Variants in CEP95 observed in about 807,000 individuals in gnomAD.
The protein encoded by CEP95 is centrosomal protein 95.
A neutral mutation model predicts 111.2 loss-of-function variants in CEP95; 98 were observed. That is an observed-to-expected ratio of 0.88 (90% CI 0.75 to 1.04). CEP95 has a LOEUF of 1.04. Among genes scored for constraint, CEP95 ranks in the 50% least tolerant of loss-of-function variants. CEP95 has a pLI of 0.00. For synonymous variants in CEP95, 323 were observed against 327.1 expected (o/e 0.99, Z 0.14); for missense variants, 1,027 against 977.2 (o/e 1.05, Z -0.68).
chr17:64,507,539 T>C, intron 1 of CEP95: 1 of 1,087,488 alleles, frequency 9.2e-7, no homozygotes, highest in Non-Finnish European at 1.1e-6. Context: ...CCCTGCAGAA[T>C]AGTAGAATAT....
At position 64,537,037 on chromosome 17, in the gene CEP95, A is replaced by G; in HGVS notation, c.2218-4A>G. The stretch of plus-strand genomic sequence containing the variant: ...ATATTTGTTTTTTTTCTTCCTATAA[A>G]CAGTTTTCATTGCTGGCAGAAGCCA... On this transcript the variant is annotated splice_region_variant and splice_polypyrimidine_tract_variant and intron_variant, in intron 18 of 19. Transcript: ENST00000556440. 1.9e-6 allele frequency: 3 copies of G among 1,609,404 alleles called. No homozygotes were observed. Among genetic ancestry groups the G allele is most frequent in the Non-Finnish European group, 2.5e-6 (3 of 1,177,470 alleles).
At chr17:64,527,046 C>G (rs1038818762) in intron 10 of CEP95, 65 bp from the exon 11 acceptor site, 1 of 1,373,148 alleles carries the variant, frequency 7.3e-7, no homozygotes, top group East Asian at 2.3e-5. Context: ...AAAGGTCTGC[C>G]TACTCCTACG....
chr17:64,517,270 C>G (rs1966935512), intron 5 of CEP95, among the ~76,000 whole-genome samples: 1 of 152,128 alleles, frequency 6.6e-6, no homozygotes, highest in South Asian at 2.1e-4. Context: ...TGGCCTCGAA[C>G]TCCTGATCTC....
At position 64,527,136 on chromosome 17, in the gene CEP95, G is replaced by T. The variant is rs1967879603; in HGVS notation, c.1178G>T (p.Arg393Leu). The change falls in exon 11 of 20, where the codon CGG becomes CTG. Residue 393 changes from arginine to leucine, a missense_variant. Transcript: ENST00000556440. ...DWMLKSALGDRIKEKTDHKEE... is the reference protein window; with the variant it reads ...DWMLKSALGDLIKEKTDHKEE... Reference sequence around the variant, plus strand: ...ATGTTAAAAAGTGCTCTGGGTGATCGGATTAAAGAAAAGACTGACCATAAA... The same window carrying T: ...ATGTTAAAAAGTGCTCTGGGTGATCTGATTAAAGAAAAGACTGACCATAAA... 1.9e-6 allele frequency: 3 copies of T among 1,612,790 alleles called. No homozygotes were observed. The East Asian group carries it at 6.7e-5, about 36-fold the overall frequency.
intron 16 of CEP95, 28 bp from the exon 17 acceptor site, chr17:64,534,557 T>C: frequency 6.2e-7 from 1 of 1,604,428 alleles, no homozygotes; most frequent in Non-Finnish European, 8.5e-7. Flanking sequence ...TCCTTACCCT[T>C]CTCTTCCCTC....
At chr17:64,519,708 T>A (rs1967162497) in intron 6 of CEP95, among the ~76,000 whole-genome samples, 1 of 152,208 alleles carries the variant, frequency 6.6e-6, no homozygotes, top group Non-Finnish European at 1.5e-5. Context: ...GGATGCAGCT[T>A]ATAGTCTGGT....
chr17:64,535,051 T>G, intron 17 of CEP95: 1 of 357,712 alleles, frequency 2.8e-6, no homozygotes, highest in Non-Finnish European at 5.4e-6. Context: ...AAATTTAGTG[T>G]GATAACATGA....
At chr17:64,513,712 G>T (rs1240054456) in intron 3 of CEP95, among the ~76,000 whole-genome samples, 2 of 152,082 alleles carry the variant, frequency 1.3e-5, no homozygotes, top group Non-Finnish European at 2.9e-5. Flanking sequence ...AATATGGGGG[G>T]TTATGGTGGA....
chr17:64,514,409 CT>C, intron 4 of CEP95, 51 bp downstream of exon 4: 1 of 785,412 alleles, frequency 1.3e-6, no homozygotes, highest in Non-Finnish European at 2.2e-6. Context: ...TGATGTGTCC[CT>C]TTTGCCTTTT....
chr17:64,506,971 C>T (rs1427026310), upstream of CEP95: 3 of 1,033,378 alleles, frequency 2.9e-6, no homozygotes, highest in South Asian at 1.4e-5. Context: ...CCTTCTTTCA[C>T]GCCTCCTTCC....
intron 3 of CEP95, among the ~76,000 whole-genome samples, chr17:64,511,480 A>G (rs1464703364): frequency 1.3e-5 from 2 of 152,238 alleles, no homozygotes; most frequent in Non-Finnish European, 2.9e-5. Flanking sequence ...AAGAAAAGAA[A>G]TATGGCTCTG....
intron 11 of CEP95, among the ~76,000 whole-genome samples, chr17:64,527,688 G>T (rs1465953349): frequency 2.0e-5 from 3 of 151,800 alleles, no homozygotes; most frequent in African/African-American, 7.3e-5. Context: ...TTCTGACATT[G>T]TCTTAGAAAT....
chr17:64,524,953 A>C (rs1967678262), intron 8 of CEP95, among the ~76,000 whole-genome samples: 1 of 151,928 alleles, frequency 6.6e-6, no homozygotes, highest in Non-Finnish European at 1.5e-5. Flanking sequence ...CCTGGGTGAC[A>C]GTAAGACCCC....
chr17:64,534,696 T>G lies in CEP95; in HGVS notation c.2029T>G (p.Leu677Val). ...RKYYDDYRVQ[L>V]CAKMMRMRTR... ...ATATTATGATGATTATAGAGTTCAG[T>G]TGTGTGCAAAAATGATGAGAATGAG... The change falls in exon 17 of 20, where the codon TTG (leucine) becomes GTG (valine). Residue 677 changes from leucine to valine, a missense_variant. By Grantham distance (32) the Leu-to-Val change is conservative (BLOSUM62 1). Transcript: ENST00000556440. The G allele has an allele frequency of 1.9e-6, 3 of 1,613,168 alleles. No homozygotes were observed. The highest frequency in any genetic ancestry group is 2.5e-6 in the Non-Finnish European group (3 of 1,179,502).
At position 64,526,987 on chromosome 17, in the gene CEP95, A is replaced by G; in HGVS notation, c.1153-124A>G. The G allele has an allele frequency of 1.3e-5, 9 of 679,562 alleles. No homozygotes were observed. The South Asian group carries it at 1.7e-4, about 13-fold the overall frequency. The allele number at this position is 679,562 out of a possible 1,614,324, so 42.1% of individuals were successfully genotyped here. On this transcript the variant is annotated intron_variant, in intron 10 of 19. Coordinates refer to ENST00000556440, the MANE Select transcript of CEP95 (RefSeq NM_138363.3). ...AATAAAAGTAAATAATTAAACATGC[A>G]TAAGCGTCTGAAAACTTGTTATTAG...
In CEP95 at chr17:64,525,807, C is replaced by G; in HGVS notation, c.947C>G (p.Pro316Arg). The change falls in exon 9 of 20, where the codon CCT (proline) becomes CGT (arginine). Residue 316 changes from proline to arginine, a missense_variant. Coordinates refer to ENST00000556440, the MANE Select transcript of CEP95 (RefSeq NM_138363.3). Reference protein sequence around the residue: ...DDGLFLISKLPKGSKWEVYPA... With the variant: ...DDGLFLISKLRKGSKWEVYPA... Reference sequence around the variant, plus strand: ...GGACTTTTCTTAATTTCCAAGTTGCCTAAAGGCAGCAAATGGGAAGTATAT... The same window carrying G: ...GGACTTTTCTTAATTTCCAAGTTGCGTAAAGGCAGCAAATGGGAAGTATAT... 3 of 1,606,516 alleles carry G rather than the reference C, an allele frequency of 1.9e-6. No individual in the cohort carries two copies. The highest frequency in any genetic ancestry group is 1.1e-5 in the South Asian group (1 of 89,428).
rs376750855 is a variant in CEP95 at position 64,534,612 on chromosome 17, C to G, written c.1945C>G (p.Gln649Glu). 3.1e-6 allele frequency: 5 copies of G among 1,589,248 alleles called. No homozygotes were observed. Among genetic ancestry groups the G allele is most frequent in the African/African-American group, 1.4e-5 (1 of 73,976 alleles). ...LQDFKDCIRRQRLTQSKIKEN... is the reference protein window; with the variant it reads ...LQDFKDCIRRERLTQSKIKEN... ...AGACTTCAAGGACTGCATTCGTAGG[C>G]AAAGGTTGACCCAATCAAAGATAAA... Residue 649 changes from glutamine to glutamate, a missense_variant, in exon 17 of 20, where the codon CAA becomes GAA. Gln to Glu is a conservative substitution (Grantham distance 29, BLOSUM62 2). Transcript: ENST00000556440.
rs781897108 is a variant in CEP95 at position 64,516,779 on chromosome 17, G to A, written c.424G>A (p.Glu142Lys). The A allele has an allele frequency of 6.2e-7, 1 of 1,612,606 alleles. No individual in the cohort carries two copies. The highest frequency in any genetic ancestry group is 8.5e-7 in the Non-Finnish European group (1 of 1,178,690). ...SDRGERLEEP[E>K]STKESKSSWK... ...TCGAGGAGAACGTTTGGAAGAGCCA[G>A]AAAGTACTAAAGAATCTAAATCATC... Residue 142 changes from glutamate (E) to lysine (K), a missense_variant, in exon 5 of 20, where the codon GAA becomes AAA. Coordinates refer to ENST00000556440, the MANE Select transcript of CEP95 (RefSeq NM_138363.3).
intron 6 of CEP95, among the ~76,000 whole-genome samples, chr17:64,520,755 G>A (rs1464284439): frequency 6.6e-6 from 1 of 152,064 alleles, no homozygotes; most frequent in Non-Finnish European, 1.5e-5. Context: ...CCATGTTTCT[G>A]GTACTAGCTA....
Sources: gnomAD v4.1 joint callset for allele counts (sites outside exome capture counted in the v4.1 genomes callset) on GRCh38, gnomAD v4.1.1 for gene constraint, MANE v1.5 for transcripts, NCBI Gene and HGNC (gene_info 2026-07-23, HGNC 2026-07-21) for gene names.